The following FRMD3 variants were observed in gnomAD, a reference collection of about 807,000 sequenced individuals.
The protein encoded by FRMD3 is FERM domain containing 3.
FRMD3 carries 33 observed loss-of-function variants against 70.2 expected under a neutral mutation model. That is an observed-to-expected ratio of 0.47 (90% CI 0.36 to 0.63). The LOEUF (loss-of-function observed/expected upper bound fraction) is 0.63, where lower values mean the gene tolerates loss of function less well. Ranked by LOEUF, FRMD3 falls within the 20% of genes least tolerant of loss-of-function variation. The pLI is 0.00. For synonymous variants in FRMD3, 279 were observed against 255.9 expected (o/e 1.09, Z -0.86); for missense variants, 632 against 711.4 (o/e 0.89, Z 1.27).
At chr9:83,450,342 C>T (rs920716637) in intron 1 of FRMD3, among the ~76,000 whole-genome samples, 1 of 138,874 alleles carries the variant, frequency 7.2e-6, no homozygotes, top group Non-Finnish European at 1.5e-5. Context: ...CAACTGTCAC[C>T]CTCAGTTTTT....
chr9:83,311,998 AAG>A (rs893754020), intron 7 of FRMD3, 23 bp from the exon 8 acceptor site: 7 of 1,524,294 alleles, frequency 4.6e-6, no homozygotes, highest in Non-Finnish European at 5.3e-6. Flanking sequence ...AAAAAGAAAA[AAG>A]AAAAATCTGT....
chr9:83,470,594 T>C (rs1465134087), intron 1 of FRMD3, among the ~76,000 whole-genome samples: 2 of 152,252 alleles, frequency 1.3e-5, no homozygotes, highest in African/African-American at 2.4e-5. Flanking sequence ...TGCCTTGTGA[T>C]AGCTCTCCAA....
Position 83,373,052 on chromosome 9 carries a change from C to T in FRMD3, c.253-97G>A, listed in dbSNP as rs1422735668. The T allele has an allele frequency of 2.8e-5, 28 of 987,238 alleles. 1 individual carries two copies. The South Asian group carries it at 2.9e-4, about 10-fold the overall frequency. The allele number at this position is 987,238 out of a possible 1,614,324, so 61.2% of individuals were successfully genotyped here. ...TAAAAGGAATTCCAAAGTACAGCCT[C>T]GGTTTCCATAGATACTCTCCAGAAT... On this transcript the variant is annotated intron_variant, in intron 2 of 13. Coordinates refer to ENST00000304195, the MANE Select transcript of FRMD3 (RefSeq NM_174938.6).
chr9:83,557,319 A>T, the FRMD3 span, among the ~76,000 whole-genome samples: 1 of 152,246 alleles, frequency 6.6e-6, no homozygotes, highest in Non-Finnish European at 1.5e-5. Context: ...ATCTACATGC[A>T]CAAAATAAGA....
At position 83,267,177 on chromosome 9, in the gene FRMD3, T is replaced by G. The variant is rs963461034; in HGVS notation, c.1196-18661A>C. The G allele has an allele frequency of 4.5e-6, 7 of 1,550,550 alleles. No individual in the cohort carries two copies. In the Admixed American group the frequency reaches 1.2e-4, roughly 26 times the overall value. On this transcript the variant is annotated intron_variant, in intron 13 of 13. Coordinates refer to ENST00000304195, the MANE Select transcript of FRMD3 (RefSeq NM_174938.6). ...ATCCCCTTGGTCTCCTCGGCCTGCA[T>G]GGCCCAGGGCAGCCTTTCCCTAACA...
Position 83,326,725 on chromosome 9 carries a change from G to A in FRMD3, c.596+8791C>T, listed in dbSNP as rs182358338. Among the ~76,000 whole-genome samples the A allele has an allele frequency of 2.7e-3, 409 of 152,296 alleles. 1 individual carries two copies. The highest frequency in any genetic ancestry group is 6.8e-3 in the Middle Eastern group (2 of 294). On this transcript the variant is annotated intron_variant, in intron 6 of 13. Transcript: ENST00000304195. ...AATGGAAAATAATGATTTTCTGTCC[G>A]TCAAATATTGCATCAGGAAATGTTC...
intron 13 of FRMD3, among the ~76,000 whole-genome samples, chr9:83,281,151 C>T (rs181585770): frequency 1.2e-3 from 187 of 152,302 alleles, no homozygotes; most frequent in African/African-American, 4.2e-3. Flanking sequence ...TCAATTTAAG[C>T]TTGGGGATTG....
At chr9:83,284,266 G>A (rs1018132222) in intron 13 of FRMD3, among the ~76,000 whole-genome samples, 6 of 151,996 alleles carry the variant, frequency 3.9e-5, no homozygotes, top group Admixed American at 6.6e-5. Flanking sequence ...CACAGGATTC[G>A]TAAACAGCTT....
chr9:83,429,402 C>T (rs554185030), intron 1 of FRMD3, among the ~76,000 whole-genome samples: 3 of 152,250 alleles, frequency 2.0e-5, no homozygotes, highest in East Asian at 3.9e-4. Flanking sequence ...TTTCATCGCC[C>T]GTTTCTCCCT....
At chr9:83,415,221 G>A (rs1826396119) in intron 1 of FRMD3, among the ~76,000 whole-genome samples, 1 of 152,116 alleles carries the variant, frequency 6.6e-6, no homozygotes, top group Non-Finnish European at 1.5e-5. Flanking sequence ...TGTTGAACCC[G>A]ACTGAAAGCC....
intron 8 of FRMD3, among the ~76,000 whole-genome samples, chr9:83,311,033 T>G (rs922282617): frequency 5.3e-5 from 8 of 152,206 alleles, no homozygotes; most frequent in African/African-American, 1.9e-4. Flanking sequence ...TCTTATATAT[T>G]GGAGTTCCCA....
At chr9:83,526,473 A>G (rs1424910741) in intron 1 of FRMD3, among the ~76,000 whole-genome samples, 2 of 152,208 alleles carry the variant, frequency 1.3e-5, no homozygotes, top group African/African-American at 2.4e-5. Flanking sequence ...GCAAGAGATC[A>G]CTTTACTTGT....
chr9:83,576,327 T>C, the FRMD3 span, among the ~76,000 whole-genome samples: 1 of 151,486 alleles, frequency 6.6e-6, no homozygotes, highest in African/African-American at 2.4e-5. Context: ...AAAAAAAAAT[T>C]GTCGAACTCT....
intron 12 of FRMD3, among the ~76,000 whole-genome samples, chr9:83,292,368 A>G (rs1248672220): frequency 6.6e-6 from 1 of 151,992 alleles, no homozygotes; most frequent in Non-Finnish European, 1.5e-5. Flanking sequence ...TGTGTTAACC[A>G]GGATGATGGT....
the FRMD3 span, among the ~76,000 whole-genome samples, chr9:83,566,865 T>C: frequency 2.3e-3 from 354 of 152,258 alleles, 2 homozygotes; most frequent in East Asian, 0.017. Flanking sequence ...CGGGCTGGCA[T>C]TGAGTGTCTG....
chr9:83,370,740 G>A (rs148642822), intron 3 of FRMD3, among the ~76,000 whole-genome samples: 1 of 152,114 alleles, frequency 6.6e-6, no homozygotes, highest in East Asian at 1.9e-4. Flanking sequence ...GGTGAAACCC[G>A]GTCTCTACTA....
chr9:83,542,501 C>T (rs979627616), upstream of FRMD3, among the ~76,000 whole-genome samples: 15 of 152,298 alleles, frequency 9.8e-5, no homozygotes, highest in Admixed American at 5.2e-4. Context: ...GATAGGAAGA[C>T]TCAATACTGT....
chr9:83,481,800 G>C (rs1008892532), intron 1 of FRMD3, among the ~76,000 whole-genome samples: 1 of 151,962 alleles, frequency 6.6e-6, no homozygotes, highest in African/African-American at 2.4e-5. Context: ...TTTCCAGCAG[G>C]GCTTCTCTGA....
At chr9:83,514,429 C>G (rs1308018278) in intron 1 of FRMD3, among the ~76,000 whole-genome samples, 2 of 152,188 alleles carry the variant, frequency 1.3e-5, no homozygotes, top group Admixed American at 6.5e-5. Context: ...CGTCTCTGGG[C>G]AGGCCATCTC....
Sources: allele counts gnomAD v4.1 joint callset (sites outside exome capture counted in the v4.1 genomes callset), GRCh38; gene constraint gnomAD v4.1.1; transcripts MANE v1.5; gene names NCBI Gene and HGNC (gene_info 2026-07-23, HGNC 2026-07-21).